The following MALRD1 variants were observed in gnomAD, a reference collection of about 807,000 sequenced individuals.
The protein encoded by MALRD1 is MAM and LDL-receptor class A domain-containing protein 1.
MALRD1 carries 247 observed loss-of-function variants against 242.1 expected under a neutral mutation model. The observed-to-expected ratio is 1.02, with a 90% CI of 0.92 to 1.13. MALRD1 has a LOEUF of 1.13. MALRD1 is among the 50% of genes most tolerant of loss of function. MALRD1 has a pLI of 0.00. For synonymous variants in MALRD1, 995 were observed against 866.6 expected, an observed-to-expected ratio of 1.15 and a Z score of -2.60; for missense variants, 2,989 against 2,533.1, an observed-to-expected ratio of 1.18 and a Z score of -3.86.
At chr10:19,616,681 A>G (rs930452954) in intron 36 of MALRD1, among the ~76,000 whole-genome samples, 2 of 152,038 alleles carry the variant, frequency 1.3e-5, no homozygotes, top group Admixed American at 6.6e-5. Flanking sequence ...GGTATCTGAA[A>G]AACAATGATT....
At chr10:19,371,111 G>C (rs796705307) in intron 26 of MALRD1, among the ~76,000 whole-genome samples, 6 of 105,646 alleles carry the variant, frequency 5.7e-5, no homozygotes, top group African/African-American at 2.2e-4. Context: ...AAAAAAAAAA[G>C]AAAAAGCCAG....
chr10:19,128,150 G>A, intron 7 of MALRD1, 71 bp from the exon 8 acceptor site: 1 of 1,097,396 alleles, frequency 9.1e-7, no homozygotes, highest in Non-Finnish European at 1.2e-6. Context: ...CTTCAGAAAT[G>A]TAATAGTTTT....
chr10:19,591,697 C>T (rs938756099), intron 33 of MALRD1, among the ~76,000 whole-genome samples: 1 of 152,016 alleles, frequency 6.6e-6, no homozygotes, highest in Non-Finnish European at 1.5e-5. Flanking sequence ...AGGGATTCAC[C>T]GTGTTGACCA....
At chr10:19,667,419 G>C (rs1841722976) in intron 36 of MALRD1, among the ~76,000 whole-genome samples, 1 of 152,082 alleles carries the variant, frequency 6.6e-6, no homozygotes, top group Non-Finnish European at 1.5e-5. Flanking sequence ...GATATACTTT[G>C]GATCTGTGTC....
intron 1 of MALRD1, among the ~76,000 whole-genome samples, chr10:19,062,468 A>G (rs1834850938): frequency 6.6e-6 from 1 of 152,218 alleles, no homozygotes; most frequent in South Asian, 2.1e-4. Flanking sequence ...TCGAACAAGT[A>G]TTTGTACACC....
At chr10:19,496,246 C>A (rs371885873) in intron 30 of MALRD1, among the ~76,000 whole-genome samples, 1 of 152,126 alleles carries the variant, frequency 6.6e-6, no homozygotes, top group African/African-American at 2.4e-5. Flanking sequence ...GAACACCCTA[C>A]CCCCAAACCA....
At chr10:19,446,070 G>A (rs1030247851) in intron 28 of MALRD1, among the ~76,000 whole-genome samples, 4 of 152,142 alleles carry the variant, frequency 2.6e-5, no homozygotes, top group Admixed American at 6.5e-5. Flanking sequence ...CTCTGTGGGC[G>A]TGGGACCCTC....
intron 29 of MALRD1, 119 bp from the exon 30 acceptor site, chr10:19,491,398 A>C: frequency 8.2e-6 from 10 of 1,222,370 alleles, no homozygotes; most frequent in Non-Finnish European, 1.1e-5. Context: ...CATCTTAGGC[A>C]ACTGTTGAAA....
chr10:19,204,297 T>TA lies in MALRD1; in HGVS notation c.2105-10dup, dbSNP rs1030615819. Reference sequence around the variant, plus strand: ...TAATGAAGCGTTTTTTTTTTTTTTTTATCTCAACAGGGCATTTTATGTTCA... The same window carrying TA: ...TAATGAAGCGTTTTTTTTTTTTTTTTAATCTCAACAGGGCATTTTATGTTCA... On this transcript the variant is annotated splice_polypyrimidine_tract_variant and intron_variant, in intron 15 of 39. Transcript: ENST00000454679. 1.7e-5 allele frequency: 26 copies of TA among 1,487,480 alleles called. No homozygotes were observed. The highest frequency in any genetic ancestry group is 1.8e-4 in the Middle Eastern group (1 of 5,686). The allele number at this position is 1,487,480 out of a possible 1,614,324, so 92.1% of individuals were successfully genotyped here.
intron 32 of MALRD1, among the ~76,000 whole-genome samples, chr10:19,562,766 G>A (rs1243074490): frequency 6.6e-6 from 1 of 152,142 alleles, no homozygotes; most frequent in Non-Finnish European, 1.5e-5. Context: ...CTGTCAGATT[G>A]GTGGCAGTGG....
intron 29 of MALRD1, among the ~76,000 whole-genome samples, chr10:19,473,777 A>G (rs767220428): frequency 1.1e-4 from 17 of 152,238 alleles, no homozygotes; most frequent in African/African-American, 3.6e-4. Flanking sequence ...AAATGCTGCT[A>G]TGACATTAGT....
chr10:19,655,586 T>C (rs1435894187), intron 36 of MALRD1, among the ~76,000 whole-genome samples: 1 of 142,954 alleles, frequency 7.0e-6, no homozygotes, highest in Non-Finnish European at 1.5e-5. Flanking sequence ...ATAATTTTAT[T>C]CACAATTCTA....
intron 4 of MALRD1, among the ~76,000 whole-genome samples, chr10:19,095,501 G>T (rs1268089004): frequency 6.6e-6 from 1 of 152,104 alleles, no homozygotes; most frequent in Non-Finnish European, 1.5e-5. Context: ...AAGCCATCAG[G>T]CACTTAAGTC....
At chr10:19,637,739 C>A (rs1477989312) in intron 36 of MALRD1, among the ~76,000 whole-genome samples, 1 of 152,024 alleles carries the variant, frequency 6.6e-6, no homozygotes, top group Non-Finnish European at 1.5e-5. Flanking sequence ...TTCCCAAAAC[C>A]AGTTTGAGAT....
intron 18 of MALRD1, among the ~76,000 whole-genome samples, chr10:19,219,715 T>C (rs1837478755): frequency 6.6e-6 from 1 of 152,180 alleles, no homozygotes; most frequent in African/African-American, 2.4e-5. Flanking sequence ...TGAGCCACCA[T>C]ACTCAGCCAA....
At position 19,076,554 on chromosome 10, in the gene MALRD1, T is replaced by C. The variant is rs570873697; in HGVS notation, c.340+9695T>C. ...CACCATATATTGAAAAGTCTACACT[T>C]TCCTCACTGAATTATCTTAACACGG... is the stretch of plus-strand genomic sequence containing the variant. On this transcript the variant is annotated intron_variant, in intron 2 of 39. Transcript: ENST00000454679. 3.3e-5 allele frequency among the ~76,000 whole-genome samples: 5 copies of C among 152,132 alleles called. No homozygotes were observed. In the South Asian group the frequency reaches 1.0e-3, roughly 31 times the overall value.
chr10:19,074,604 T>A (rs1835259964), intron 2 of MALRD1, among the ~76,000 whole-genome samples: 1 of 114,758 alleles, frequency 8.7e-6, no homozygotes, highest in Non-Finnish European at 1.7e-5. Flanking sequence ...TAGATACTTA[T>A]TTGAATTAAC....
chr10:19,547,812 A>C (rs1473655577), intron 32 of MALRD1, among the ~76,000 whole-genome samples: 1 of 14,218 alleles, frequency 7.0e-5, no homozygotes, highest in African/African-American at 2.3e-4. Context: ...ATATATATAT[A>C]TATATATTTT....
At chr10:19,330,420 T>C (rs1216407844) in intron 23 of MALRD1, among the ~76,000 whole-genome samples, 1 of 152,148 alleles carries the variant, frequency 6.6e-6, no homozygotes, top group Non-Finnish European at 1.5e-5. Flanking sequence ...TTTCTAAATA[T>C]GGTAACAGTA....
Sources: gnomAD v4.1 joint callset for allele counts (sites outside exome capture counted in the v4.1 genomes callset) on GRCh38, gnomAD v4.1.1 for gene constraint, MANE v1.5 for transcripts, NCBI Gene and HGNC (gene_info 2026-07-23, HGNC 2026-07-21) for gene names.